LPCAT4: variants seen among roughly 807,000 people sequenced by gnomAD.
The protein encoded by LPCAT4 is lysophospholipid acyltransferase LPCAT4.
LPCAT4 carries 30 observed loss-of-function variants against 66.5 expected under a neutral mutation model. The ratio of observed to expected loss-of-function variants is 0.45; its 90% CI spans 0.34 to 0.61. The LOEUF is 0.61. LPCAT4 is among the 20% of genes least tolerant of loss of function. The pLI is 0.01. For synonymous variants in LPCAT4, 253 were observed against 262.1 expected, an observed-to-expected ratio of 0.97 and a Z score of 0.34; for missense variants, 557 against 656.7, an observed-to-expected ratio of 0.85 and a Z score of 1.66.
chr15:34,367,169 G>A lies in LPCAT4; in HGVS notation c.-69C>T. On this transcript the variant is annotated 5_prime_UTR_variant, in exon 1 of 14. Transcript: ENST00000314891. ...GCCACCACTCTGCAGAGCAGCTGCTGCTGCAGCAGCGGCGGCGGCGGCGCT... is the reference window on the plus strand; with the variant it reads ...GCCACCACTCTGCAGAGCAGCTGCTACTGCAGCAGCGGCGGCGGCGGCGCT... 1.5e-6 allele frequency: 2 copies of A among 1,300,330 alleles called. No homozygotes were observed. Among genetic ancestry groups the A allele is most frequent in the Non-Finnish European group, 2.0e-6 (2 of 1,009,788 alleles). The allele number at this position is 1,300,330 out of a possible 1,614,324, so 80.5% of individuals were successfully genotyped here. A position where few individuals can be genotyped will look rare whatever the true frequency, so the allele number is the denominator to read the frequency against.
At chr15:34,364,619 T>A (rs1372661100) in intron 3 of LPCAT4, 2 of 176,520 alleles carry the variant, frequency 1.1e-5, no homozygotes, top group Non-Finnish European at 2.2e-5. Flanking sequence ...GCCCGGCTAC[T>A]TTTTTTGTAT....
At position 34,365,152 on chromosome 15, in the gene LPCAT4, G is replaced by A. The variant is rs777544154; in HGVS notation, c.334C>T (p.Arg112Cys). The change falls in exon 3 of 14, where the codon CGT (arginine) becomes TGT (cysteine). Residue 112 changes from arginine (R) to cysteine (C), a missense_variant. Physicochemically the swap from Arg to Cys is radical, Grantham distance 180. Around this residue, in one of 4 missense-constraint regions of LPCAT4, gnomAD observed 65 missense variants for 83.5 expected, o/e 0.78. Coordinates refer to ENST00000314891, the MANE Select transcript of LPCAT4 (RefSeq NM_153613.3). Reference sequence around the variant, plus strand: ...TGAAGGCGAGAGGCTCGCTGGCCACGAACGCGAATCCGGAGGAAGCCCAGC... The same window carrying A: ...TGAAGGCGAGAGGCTCGCTGGCCACAAACGCGAATCCGGAGGAAGCCCAGC... ...FLLGFLRIRV[R>C]GQRASRLQAP... The A allele has an allele frequency of 1.2e-5, 19 of 1,614,100 alleles. No homozygotes were observed. The highest frequency in any genetic ancestry group is 4.4e-5 in the South Asian group (4 of 91,084).
Position 34,362,619 on chromosome 15 carries a change from T to C in LPCAT4, c.838A>G (p.Arg280Gly). The change falls in exon 9 of 14, where the codon AGG (arginine) becomes GGG (glycine). Residue 280 changes from arginine (R) to glycine (G), a missense_variant. By Grantham distance (125) the Arg-to-Gly change is moderately radical (BLOSUM62 -2). Transcript: ENST00000314891. ...PVYHPSPEES[R>G]DPTLYANNVQ... ...TTGTTGGCATAGAGGGTGGGGTCCC[T>C]GCTCTCCTCAGGGCTGGGGTGATAC... 1.9e-6 allele frequency: 3 copies of C among 1,577,668 alleles called. No homozygotes were observed. The highest frequency in any genetic ancestry group is 2.6e-6 in the Non-Finnish European group (3 of 1,160,834).
chr15:34,363,711 T>C lies in LPCAT4; in HGVS notation c.661A>G (p.Ile221Val). ...ALLKFKPGAF[I>V]AGVPVQPVLI... ...ACAGGCTGCACAGGCACCCCTGCGA[T>C]GAAGGCTCCTAAATCCCATTTCCAC... Residue 221 changes from isoleucine to valine, a missense_variant, in exon 6 of 14, where the codon ATC (isoleucine) becomes GTC (valine). Ile to Val is a conservative substitution (Grantham distance 29). This residue lies in a region of LPCAT4 where 392 missense variants were observed against 473.9 expected (regional missense o/e 0.83). Coordinates refer to ENST00000314891, the MANE Select transcript of LPCAT4 (RefSeq NM_153613.3). This position sits in a 1 kb window ranked among gnomAD's most constrained non-coding sequence, Gnocchi z 4.3. 1.2e-6 allele frequency: 2 copies of C among 1,614,134 alleles called. No individual in the cohort carries two copies. Among genetic ancestry groups the C allele is most frequent in the Non-Finnish European group, 1.7e-6 (2 of 1,180,040 alleles).
At chr15:34,364,918 G>T in intron 3 of LPCAT4, 90 bp downstream of exon 3, 2 of 1,091,638 alleles carry the variant, frequency 1.8e-6, no homozygotes, top group Non-Finnish European at 2.7e-6. Flanking sequence ...TCCCCACTTT[G>T]AGGCCAGTTC....
chr15:34,364,881 A>G, intron 3 of LPCAT4, 127 bp downstream of exon 3: 1 of 734,756 alleles, frequency 1.4e-6, no homozygotes, highest in Non-Finnish European at 2.3e-6. Flanking sequence ...AATGGTGTTA[A>G]TTTATATTTC....
chr15:34,363,560 C>T lies in LPCAT4; in HGVS notation c.711+101G>A. 1.3e-6 allele frequency: 2 copies of T among 1,593,848 alleles called. No individual in the cohort carries two copies. The highest frequency in any genetic ancestry group is 2.2e-5 in the South Asian group (2 of 90,408). On this transcript the variant is annotated intron_variant, in intron 6 of 13. Transcript: ENST00000314891. This position sits in a 1 kb window ranked among gnomAD's most constrained non-coding sequence, Gnocchi z 4.3. The stretch of plus-strand genomic sequence containing the variant: ...GCCTGATCCCACCTCTGGTCACAGC[C>T]CCCAATGCACATCCCATTAAAGCAC...
Position 34,364,940 on chromosome 15 carries a change from GTC to G in LPCAT4, c.478+66_478+67del, listed in dbSNP as rs1891040280. 3.0e-6 allele frequency: 4 copies of G among 1,355,734 alleles called. No homozygotes were observed. In the South Asian group the frequency reaches 5.3e-5, roughly 18 times the overall value. 84.0% of individuals were successfully genotyped at this position (1,355,734 alleles called of 1,614,324 possible). ...TTTGAGGCCAGTTCTTCACTCCAGTGTCTCCATTCCTGACTTTTTTTGCCCAG... is the reference window on the plus strand; with the variant it reads ...TTTGAGGCCAGTTCTTCACTCCAGTGTCCATTCCTGACTTTTTTTGCCCAG... On this transcript the variant is annotated intron_variant, in intron 3 of 13. Coordinates refer to ENST00000314891, the MANE Select transcript of LPCAT4 (RefSeq NM_153613.3).
chr15:34,361,565 C>T, intron 10 of LPCAT4, 33 bp from the exon 11 acceptor site: 1 of 1,610,326 alleles, frequency 6.2e-7, no homozygotes, highest in Non-Finnish European at 8.5e-7. Context: ...AGAGAGCTGT[C>T]TCAGTTTCCT....
intron 12 of LPCAT4, 29 bp downstream of exon 12, chr15:34,360,082 C>CGGGG: frequency 6.5e-7 from 1 of 1,529,474 alleles, no homozygotes; most frequent in Non-Finnish European, 9.0e-7. Flanking sequence ...AGCCACTAAG[C>CGGGG]ACCCCCCACC....
intron 2 of LPCAT4, 140 bp downstream of exon 2, chr15:34,365,419 C>T (rs555306702): frequency 1.6e-6 from 2 of 1,285,048 alleles, no homozygotes; most frequent in East Asian, 2.4e-5. Context: ...GGAACCACGT[C>T]TGAGCTTGGC....
At position 34,363,399 on chromosome 15, in the gene LPCAT4, C is replaced by T. The variant is rs766475918; in HGVS notation, c.746+23G>A. 2.2e-5 allele frequency: 36 copies of T among 1,612,194 alleles called. 1 individual carries two copies. In the South Asian group the frequency reaches 3.9e-4, roughly 17 times the overall value. ...TGATGGACCCTGCTCCCCACCCTCA[C>T]CCCCAGGAATACCAGAACTCACACT... On this transcript the variant is annotated intron_variant, in intron 7 of 13. Coordinates refer to ENST00000314891, the MANE Select transcript of LPCAT4 (RefSeq NM_153613.3). The surrounding 1 kb of genome is among the most constrained non-coding windows in gnomAD (Gnocchi z 4.3).
intron 12 of LPCAT4, 127 bp from the exon 13 acceptor site, chr15:34,359,872 A>G: frequency 1.0e-6 from 1 of 992,986 alleles, no homozygotes; most frequent in Non-Finnish European, 1.5e-6. Context: ...CTGACCCTCC[A>G]GTGCCCTTTC....
chr15:34,359,335 G>T (rs372174058), intron 13 of LPCAT4, 33 bp from the exon 14 acceptor site: 12 of 1,466,220 alleles, frequency 8.2e-6, no homozygotes, highest in South Asian at 5.7e-5. Flanking sequence ...AAAGTGAAAA[G>T]ATCTAAGAAC....
At chr15:34,361,665 T>A in intron 10 of LPCAT4, 133 bp from the exon 11 acceptor site, 1 of 1,030,914 alleles carries the variant, frequency 9.7e-7, no homozygotes, top group Non-Finnish European at 1.4e-6. Flanking sequence ...ATGTACTGAC[T>A]CACAGTCCCT....
At chr15:34,361,243 G>T in intron 11 of LPCAT4, 157 bp downstream of exon 11, 1 of 1,495,426 alleles carries the variant, frequency 6.7e-7, no homozygotes, top group African/African-American at 1.4e-5. Flanking sequence ...ATTAAAAAAT[G>T]AATCTTCAGT....
In LPCAT4 at chr15:34,363,792, A is replaced by G. The variant is rs1404659187; in HGVS notation, c.653-73T>C. 2 of 1,547,982 alleles carry G rather than the reference A, an allele frequency of 1.3e-6. No individual in the cohort carries two copies. Among genetic ancestry groups the G allele is most frequent in the African/African-American group, 2.7e-5 (2 of 73,580 alleles). ...CAGAAGTAGCTAGAGGGCATGAGGTATGGCAGTCTGGGACAGTTCTCAAAT... is the reference window on the plus strand; with the variant it reads ...CAGAAGTAGCTAGAGGGCATGAGGTGTGGCAGTCTGGGACAGTTCTCAAAT... On this transcript the variant is annotated intron_variant, in intron 5 of 13. Coordinates refer to ENST00000314891, the MANE Select transcript of LPCAT4 (RefSeq NM_153613.3). This position sits in a 1 kb window ranked among gnomAD's most constrained non-coding sequence, Gnocchi z 4.3.
In LPCAT4 at chr15:34,367,122, G is replaced by C; in HGVS notation, c.-22C>G. 1 of 1,522,142 alleles carries C rather than the reference G, an allele frequency of 6.6e-7. No individual in the cohort carries two copies. The highest frequency in any genetic ancestry group is 1.2e-5 in the South Asian group (1 of 81,160). The allele number at this position is 1,522,142 out of a possible 1,614,324, so 94.3% of individuals were successfully genotyped here. A position where few individuals can be genotyped will look rare whatever the true frequency, so the allele number is the denominator to read the frequency against. ...TCATGGCGGGAGAAGGTGGGAGGGA[G>C]GGCACCCCGGCCCTGGCCCCGGCCA... On this transcript the variant is annotated 5_prime_UTR_variant, in exon 1 of 14. Transcript: ENST00000314891.
At position 34,362,219 on chromosome 15, in the gene LPCAT4, C is replaced by T; in HGVS notation, c.987G>A (p.Leu329=). ...ACCCAGCCTTCCGAAGCACTTTTCC[C>T]AGTTCCCAGAGCTGTGGTTCCAACG... ...KVALEPQLWE[L]GKVLRKAGLS... The change falls in exon 10 of 14, where the codon CTG becomes CTA. Residue 329 remains leucine (L), a synonymous_variant. Transcript: ENST00000314891. 1 of 1,613,940 alleles carries T rather than the reference C, an allele frequency of 6.2e-7. No individual in the cohort carries two copies. The highest frequency in any genetic ancestry group is 8.5e-7 in the Non-Finnish European group (1 of 1,180,006).
Sources: allele counts gnomAD v4.1 joint callset, GRCh38; gene constraint gnomAD v4.1.1; regional missense constraint gnomAD v4.1.1; non-coding constraint Gnocchi (gnomAD v3.1); transcripts MANE v1.5; gene names NCBI Gene and HGNC (gene_info 2026-07-23, HGNC 2026-07-21).